Variants in ABCC8 observed in about 807,000 individuals in gnomAD.
ABCC8 encodes ATP-binding cassette sub-family C member 8.
Under a neutral mutation model 188.0 loss-of-function variants are expected in ABCC8, and 137 were observed. The ratio of observed to expected loss-of-function variants is 0.73; its 90% confidence interval spans 0.63 to 0.84. The LOEUF (loss-of-function observed/expected upper bound fraction) is 0.84. Ranked by LOEUF, ABCC8 falls within the 40% of genes least tolerant of loss-of-function variation. The pLI is 0.00. For missense variants in ABCC8, 1,750 were observed against 2,072.7 expected (o/e 0.84, Z 3.02); for synonymous variants, 797 against 846.5 (o/e 0.94, Z 1.01).
At position 17,393,120 on chromosome 11, in the gene ABCC8, C is replaced by A; in HGVS notation, c.4617G>T (p.Val1539=). The A allele has an allele frequency of 6.2e-7, 1 of 1,612,908 alleles. No homozygotes were observed. The highest frequency in any genetic ancestry group is 8.5e-7 in the Non-Finnish European group (1 of 1,179,420). Reference sequence around the variant, plus strand: ...CCAGGTCTGCACTCAGGATGGTGTGCACTCGATGCTGGGCAGGGCAGGAGG... The same window carrying A: ...CCAGGTCTGCACTCAGGATGGTGTGAACTCGATGCTGGGCAGGGCAGGAGG... The part of the protein sequence containing the change: ...DRTVVTIAHR[V]HTILSADLVI... The change falls in exon 39 of 39, where the codon GTG becomes GTT. Residue 1539 remains valine (V), a synonymous_variant. Coordinates refer to ENST00000389817, the MANE Select transcript of ABCC8 (RefSeq NM_000352.6).
chr11:17,476,598 C>CCCT lies in ABCC8; in HGVS notation c.148+28_148+30dup, dbSNP rs759122980. ...CCTCCTCCCTCCCTGCTCTCCCGTC[C>CCCT]CCTCCTCCGCGGCTCGCTGCGCGCA... On this transcript the variant is annotated intron_variant, in intron 1 of 38. Transcript: ENST00000389817. The CCCT allele has an allele frequency of 2.5e-6, 4 of 1,607,014 alleles. No individual in the cohort carries two copies. The South Asian group carries it at 4.5e-5, about 18-fold the overall frequency.
intron 2 of ABCC8, among the ~76,000 whole-genome samples, chr11:17,471,540 G>C (rs905431863): frequency 1.3e-5 from 2 of 152,184 alleles, no homozygotes; most frequent in African/African-American, 4.8e-5. Flanking sequence ...CCAGCCCCAG[G>C]GAATGGATGG....
At chr11:17,443,085 G>A in intron 9 of ABCC8, 93 bp downstream of exon 9, 1 of 1,539,502 alleles carries the variant, frequency 6.5e-7, no homozygotes, top group Non-Finnish European at 9.0e-7. Flanking sequence ...CAAAGTCAAA[G>A]TCAATGACAG....
chr11:17,414,525 A>G lies in ABCC8; in HGVS notation c.2377T>C (p.Phe793Leu). The G allele has an allele frequency of 1.2e-6, 2 of 1,614,212 alleles. No individual in the cohort carries two copies. The highest frequency in any genetic ancestry group is 1.7e-6 in the Non-Finnish European group (2 of 1,180,042). The change falls in exon 19 of 39, where the codon TTC becomes CTC. Residue 793 changes from phenylalanine (F) to leucine (L), a missense_variant. Physicochemically the swap from Phe to Leu is conservative, Grantham distance 22. Coordinates refer to ENST00000389817, the MANE Select transcript of ABCC8 (RefSeq NM_000352.6). ...VEENIIFESP[F>L]NKQRYKMVIE... ...ACAGGCTTTTACCGTTGTTTGTTGAAGGGACTCTCAAAGATGATGTTCTCC... is the reference window on the plus strand; with the variant it reads ...ACAGGCTTTTACCGTTGTTTGTTGAGGGGACTCTCAAAGATGATGTTCTCC...
intron 27 of ABCC8, 147 bp downstream of exon 27, chr11:17,405,347 G>A: frequency 7.7e-7 from 1 of 1,296,644 alleles, no homozygotes; most frequent in Non-Finnish European, 1.1e-6. Context: ...CAGCCCTGAA[G>A]CAGCATTATA....
rs554695921 is a variant in ABCC8, at chr11:17,413,156, G to T, written c.2475+238C>A. Among the ~76,000 whole-genome samples, 5 of 152,294 alleles carry T rather than the reference G, an allele frequency of 3.3e-5. No homozygotes were observed. In the East Asian group the frequency reaches 9.7e-4, roughly 29 times the overall value. ...TGTGGGCTCTCAGTGTATACCTGGG[G>T]TGCAAATGAAGAAGATCCCCAGCCT... On this transcript the variant is annotated intron_variant, in intron 20 of 38. Transcript: ENST00000389817.
rs747245328 is a variant in ABCC8, at chr11:17,443,148, G to A, written c.1467+30C>T. 10 of 1,612,576 alleles carry A rather than the reference G, an allele frequency of 6.2e-6. No homozygotes were observed. In the South Asian group the frequency reaches 9.9e-5, roughly 16 times the overall value. On this transcript the variant is annotated intron_variant, in intron 9 of 38. Transcript: ENST00000389817. The stretch of plus-strand genomic sequence containing the variant: ...CTGTCGAGGGAAGGAGGGGAAGAGG[G>A]ACAAAACACACACACCTTTGGGCAC...
At chr11:17,463,991 C>T (rs1173815498) in intron 3 of ABCC8, among the ~76,000 whole-genome samples, 2 of 152,186 alleles carry the variant, frequency 1.3e-5, no homozygotes, top group East Asian at 3.8e-4. Flanking sequence ...AGTACACTGC[C>T]GTCACCCCCA....
rs1044733681 is a variant in ABCC8, at chr11:17,397,979, T to G, written c.3754-182A>C. On this transcript the variant is annotated intron_variant, in intron 30 of 38. Transcript: ENST00000389817. ...AAGGCTGGAGCCCCAGGAGCCAACA[T>G]GTCCCACAAGCTCATGCTCCCCTAC... 1.4e-5 allele frequency: 11 copies of G among 793,574 alleles called. No homozygotes were observed. In the African/African-American group the frequency reaches 1.5e-4, roughly 11 times the overall value. 49.2% of individuals were successfully genotyped at this position (793,574 alleles called of 1,614,324 possible).
At chr11:17,469,326 C>G (rs11024297) in intron 3 of ABCC8, among the ~76,000 whole-genome samples, 13 of 151,726 alleles carry the variant, frequency 8.6e-5, no homozygotes, top group African/African-American at 2.7e-4. Flanking sequence ...CTCCTGACCT[C>G]GGGTGATCCG....
At chr11:17,463,285 C>T (rs1049134480) in intron 4 of ABCC8, among the ~76,000 whole-genome samples, 153 bp downstream of exon 4, 2 of 152,178 alleles carry the variant, frequency 1.3e-5, no homozygotes, top group East Asian at 1.9e-4. Flanking sequence ...CTGAAATTTC[C>T]GCCACGGCCC....
chr11:17,463,571 G>A lies in ABCC8; in HGVS notation c.446C>T (p.Thr149Ile). Reference sequence around the variant, plus strand: ...GAACTTGACAAACTTGATGGTCTTGGTGATGAAGGCCAGGGTCCAATACAC... The same window carrying A: ...GAACTTGACAAACTTGATGGTCTTGATGATGAAGGCCAGGGTCCAATACAC... ...LLVYWTLAFI[T>I]KTIKFVKFLD... Residue 149 changes from threonine (T) to isoleucine (I), a missense_variant, in exon 4 of 39, where the codon ACC becomes ATC. Thr to Ile is a moderately conservative substitution (Grantham distance 89). Coordinates refer to ENST00000389817, the MANE Select transcript of ABCC8 (RefSeq NM_000352.6). 7 of 1,590,968 alleles carry A rather than the reference G, an allele frequency of 4.4e-6. No homozygotes were observed. The highest frequency in any genetic ancestry group is 6.0e-6 in the Non-Finnish European group (7 of 1,168,464).
At chr11:17,401,460 G>C (rs1954238768) in intron 29 of ABCC8, among the ~76,000 whole-genome samples, 1 of 152,284 alleles carries the variant, frequency 6.6e-6, no homozygotes, top group South Asian at 2.1e-4. Context: ...GTGCTCCAGG[G>C]TGGGCAGAGG....
intron 7 of ABCC8, among the ~76,000 whole-genome samples, chr11:17,450,280 TTCTTTCTTTCTTTCTTTC>T (rs2133625654): frequency 7.4e-6 from 1 of 135,098 alleles, no homozygotes; most frequent in East Asian, 2.1e-4. Context: ...CTTTCTTTCT[TTCTTTCTTTCTTTCTTTC>T]TTTCTTTCTT....
At chr11:17,457,291 A>G (rs137976553) in intron 6 of ABCC8, among the ~76,000 whole-genome samples, 1 of 152,310 alleles carries the variant, frequency 6.6e-6, no homozygotes, top group East Asian at 1.9e-4. Context: ...CACACGCAGA[A>G]AAAGACACAC....
At chr11:17,415,137 G>A (rs1334537063) in intron 18 of ABCC8, among the ~76,000 whole-genome samples, 167 bp downstream of exon 18, 2 of 151,984 alleles carry the variant, frequency 1.3e-5, no homozygotes, top group African/African-American at 2.4e-5. Context: ...CACAGAAACA[G>A]CAGCAGCTCC....
Position 17,407,525 on chromosome 11 carries a change from T to TAA in ABCC8, c.2821-74_2821-73dup, listed in dbSNP as rs1954602801. The TAA allele has an allele frequency of 1.9e-6, 3 of 1,605,214 alleles. No homozygotes were observed. The Admixed American group carries it at 5.2e-5, about 28-fold the overall frequency. On this transcript the variant is annotated intron_variant, in intron 23 of 38. Coordinates refer to ENST00000389817, the MANE Select transcript of ABCC8 (RefSeq NM_000352.6). ...GGTGGGGGAAGGGGAAGTTAAGGGG[T>TAA]AACTACTCTGGTGATGACCAATGTC...
intron 8 of ABCC8, among the ~76,000 whole-genome samples, chr11:17,447,916 CT>C (rs1956600526): frequency 6.6e-6 from 1 of 152,184 alleles, no homozygotes; most frequent in Admixed American, 6.5e-5. Context: ...TTTTCCAATT[CT>C]TTTTCATGTG....
At chr11:17,418,721 A>T (rs1314741620) in intron 16 of ABCC8, among the ~76,000 whole-genome samples, 1 of 152,166 alleles carries the variant, frequency 6.6e-6, no homozygotes, top group Non-Finnish European at 1.5e-5. Context: ...GCACTGCTCA[A>T]TTAGCCCTCA....
Sources: gnomAD v4.1 joint callset for allele counts (sites outside exome capture counted in the v4.1 genomes callset) on GRCh38, gnomAD v4.1.1 for gene constraint, MANE v1.5 for transcripts, NCBI Gene and HGNC (gene_info 2026-07-23, HGNC 2026-07-21) for gene names.